CNTN5: variants seen among roughly 807,000 people sequenced by gnomAD.
The protein encoded by CNTN5 is contactin 5.
A neutral mutation model predicts 129.1 loss-of-function variants in CNTN5; 77 were observed. That is an observed-to-expected ratio of 0.60 (90% CI 0.50 to 0.72). The LOEUF (loss-of-function observed/expected upper bound fraction) is 0.72. Ranked by LOEUF, CNTN5 falls within the 30% of genes least tolerant of loss-of-function variation. CNTN5 has a pLI of 0.00. For missense variants in CNTN5, 1,478 were observed against 1,328.8 expected, an observed-to-expected ratio of 1.11 and a Z score of -1.75; for synonymous variants, 509 against 465.6, an observed-to-expected ratio of 1.09 and a Z score of -1.20.
intron 1 of CNTN5, among the ~76,000 whole-genome samples, chr11:99,270,288 A>C (rs1041083599): frequency 6.6e-6 from 1 of 151,884 alleles, no homozygotes; most frequent in African/African-American, 2.4e-5. Context: ...GTTTTTCATT[A>C]GGGTATGCAT....
At chr11:99,887,107 A>C (rs2135885480) in intron 6 of CNTN5, among the ~76,000 whole-genome samples, 1 of 152,246 alleles carries the variant, frequency 6.6e-6, no homozygotes, top group South Asian at 2.1e-4. Flanking sequence ...AATATTATAT[A>C]ATTATTGTGT....
chr11:99,397,918 A>T lies in CNTN5; in HGVS notation c.-71+72434A>T, dbSNP rs529342567. Among the ~76,000 whole-genome samples the T allele has an allele frequency of 3.9e-5, 6 of 152,036 alleles. No individual in the cohort carries two copies. The South Asian group carries it at 1.2e-3, about 31-fold the overall frequency. On this transcript the variant is annotated intron_variant, in intron 2 of 24. Transcript: ENST00000524871. ...CTTAGTTGAGAGATCAAGGGAATAT[A>T]TGAGTGTATACTACTGTGTGTGTAT... is the stretch of plus-strand genomic sequence containing the variant.
At chr11:99,760,235 G>A (rs1019109325) in intron 3 of CNTN5, among the ~76,000 whole-genome samples, 5 of 152,234 alleles carry the variant, frequency 3.3e-5, no homozygotes, top group Non-Finnish European at 5.9e-5. Flanking sequence ...AATAGAAAGT[G>A]TATTTGAAAA....
intron 8 of CNTN5, among the ~76,000 whole-genome samples, chr11:99,961,965 G>C (rs1043532300): frequency 1.1e-4 from 16 of 148,974 alleles, no homozygotes; most frequent in Non-Finnish European, 2.1e-4. Flanking sequence ...TATACGTAGA[G>C]AGACATATAG....
At chr11:99,221,398 C>G (rs1055949484) in intron 1 of CNTN5, among the ~76,000 whole-genome samples, 11 of 151,624 alleles carry the variant, frequency 7.3e-5, no homozygotes, top group African/African-American at 2.7e-4. Context: ...TACAGAATAC[C>G]TCTGATATTA....
intron 9 of CNTN5, among the ~76,000 whole-genome samples, chr11:100,031,943 A>G (rs1941733437): frequency 1.3e-5 from 2 of 151,092 alleles, no homozygotes; most frequent in South Asian, 4.2e-4. Context: ...GAAGGTGGTG[A>G]CCCCCCTGGA....
chr11:99,684,583 T>G (rs1953704666), intron 3 of CNTN5, among the ~76,000 whole-genome samples: 2 of 151,890 alleles, frequency 1.3e-5, no homozygotes, highest in African/African-American at 4.8e-5. Context: ...ATGTTAGTTC[T>G]TGGTTTCTTT....
chr11:99,405,500 T>C (rs7125102), intron 2 of CNTN5, among the ~76,000 whole-genome samples: 113,012 of 151,652 alleles, frequency 0.75, 42,961 homozygotes, highest in African/African-American at 0.9. Flanking sequence ...GACTCTGATA[T>C]ATTCTTCAGT....
chr11:99,220,826 T>A lies in CNTN5; in HGVS notation c.-209-104520T>A, dbSNP rs2135701609. 1.3e-5 allele frequency among the ~76,000 whole-genome samples: 2 copies of A among 151,918 alleles called. 1 individual carries two copies. The highest frequency in any genetic ancestry group is 3.9e-4 in the East Asian group (2 of 5,174). ...ATCAACCTGACGCAATACAAAAGTA[T>A]AAATGTAAGCCACTCAAATAATTCT... On this transcript the variant is annotated intron_variant, in intron 1 of 24. Coordinates refer to ENST00000524871, the MANE Select transcript of CNTN5 (RefSeq NM_014361.4).
chr11:99,038,291 G>T (rs1011768527), intron 1 of CNTN5, among the ~76,000 whole-genome samples: 4 of 152,100 alleles, frequency 2.6e-5, no homozygotes, highest in African/African-American at 9.6e-5. Flanking sequence ...ACTTTTAATT[G>T]ACAAATAATA....
intron 2 of CNTN5, among the ~76,000 whole-genome samples, chr11:99,392,242 C>G (rs1454895125): frequency 6.6e-6 from 1 of 151,316 alleles, no homozygotes; most frequent in Non-Finnish European, 1.5e-5. Context: ...AAATAAAAAA[C>G]TCAACTATAA....
rs540999048 is a variant in CNTN5 at position 99,647,348 on chromosome 11, A to G, written c.55+91079A>G. On this transcript the variant is annotated intron_variant, in intron 3 of 24. Transcript: ENST00000524871. Reference sequence around the variant, plus strand: ...CACCTTTGTCAAAAATCAGTTGGCTACAAACGTGGATTTATTTCTGGCTTC... The same window carrying G: ...CACCTTTGTCAAAAATCAGTTGGCTGCAAACGTGGATTTATTTCTGGCTTC... 1.8e-3 allele frequency among the ~76,000 whole-genome samples: 277 copies of G among 152,188 alleles called. 2 individuals carry two copies. Among genetic ancestry groups the G allele is most frequent in the African/African-American group, 6.3e-3 (262 of 41,546 alleles).
chr11:99,633,824 A>C (rs1343550401), intron 3 of CNTN5, among the ~76,000 whole-genome samples: 1 of 152,230 alleles, frequency 6.6e-6, no homozygotes, highest in Non-Finnish European at 1.5e-5. Flanking sequence ...AAACATGGGC[A>C]AAGTGAGCTA....
At chr11:99,797,756 T>C (rs1214477861) in intron 3 of CNTN5, among the ~76,000 whole-genome samples, 1 of 152,172 alleles carries the variant, frequency 6.6e-6, no homozygotes, top group African/African-American at 2.4e-5. Context: ...TATTTTGCTG[T>C]GAAGAATCGC....
chr11:99,409,046 G>A (rs1330696319), intron 2 of CNTN5, among the ~76,000 whole-genome samples: 4 of 152,192 alleles, frequency 2.6e-5, no homozygotes, highest in South Asian at 4.1e-4. Flanking sequence ...TCTAATAGTA[G>A]TGAATTAGTT....
intron 21 of CNTN5, among the ~76,000 whole-genome samples, chr11:100,321,126 C>T (rs1042331305): frequency 6.6e-5 from 10 of 151,924 alleles, no homozygotes; most frequent in African/African-American, 2.4e-4. Flanking sequence ...TACAATGACT[C>T]TATAGGTCCT....
intron 2 of CNTN5, among the ~76,000 whole-genome samples, chr11:99,359,122 T>C (rs866335789): frequency 1.3e-5 from 2 of 152,210 alleles, no homozygotes; most frequent in African/African-American, 4.8e-5. Flanking sequence ...ATTTAAAACT[T>C]TTCAAAATGT....
rs141971416 is a variant in CNTN5, at chr11:100,020,019, T to C, written c.980+17883T>C. Among the ~76,000 whole-genome samples the C allele has an allele frequency of 3.0e-3, 458 of 152,186 alleles. 2 individuals are homozygous for C. The Middle Eastern group carries it at 0.031, about 10-fold the overall frequency. ...TGTTTTATTGCTACTAAGTTTCTTA[T>C]ATGTTTTGGATATTAAATCTTTATC... On this transcript the variant is annotated intron_variant, in intron 9 of 24. Coordinates refer to ENST00000524871, the MANE Select transcript of CNTN5 (RefSeq NM_014361.4).
chr11:99,889,351 T>C (rs1169776267), intron 6 of CNTN5, among the ~76,000 whole-genome samples: 1 of 121,364 alleles, frequency 8.2e-6, no homozygotes, highest in African/African-American at 3.3e-5. Context: ...TGTGTGTGTG[T>C]GTGTGTATAT....
Sources: gnomAD v4.1 joint callset for allele counts (sites outside exome capture counted in the v4.1 genomes callset) on GRCh38, gnomAD v4.1.1 for gene constraint, MANE v1.5 for transcripts, NCBI Gene and HGNC (gene_info 2026-07-23, HGNC 2026-07-21) for gene names.